The following C12orf56 variants were observed in gnomAD, a reference collection of about 807,000 sequenced individuals.
C12orf56 encodes the protein uncharacterized protein C12orf56.
C12orf56 carries 71 observed loss-of-function variants against 69.9 expected under a neutral mutation model. The ratio of observed to expected loss-of-function variants is 1.02; its 90% CI spans 0.84 to 1.24. The LOEUF (loss-of-function observed/expected upper bound fraction) is 1.24, where lower values mean the gene tolerates loss of function less well. C12orf56 is among the 50% of genes most tolerant of loss of function. The probability of loss-of-function intolerance (pLI) is 0.00; values close to 1 mark genes in which losing one functional copy is unlikely to be tolerated. For synonymous variants in C12orf56, 276 were observed against 274.1 expected (o/e 1.01, Z -0.07); for missense variants, 732 against 738.5 (o/e 0.99, Z 0.10).
chr12:64,374,647 G>A (rs2039617725), intron 1 of C12orf56, among the ~76,000 whole-genome samples: 1 of 151,212 alleles, frequency 6.6e-6, no homozygotes, highest in South Asian at 2.1e-4. Flanking sequence ...AGGTTCCAGT[G>A]ATTCTCCTGC....
intron 1 of C12orf56, among the ~76,000 whole-genome samples, chr12:64,376,426 A>T (rs1264015740): frequency 1.2e-4 from 19 of 152,222 alleles, no homozygotes; most frequent in Admixed American, 1.2e-3. Flanking sequence ...ATGAATAAAG[A>T]TGTGTTTGAG....
intron 5 of C12orf56, among the ~76,000 whole-genome samples, chr12:64,311,412 C>CT (rs1555188494): frequency 9.9e-6 from 1 of 101,292 alleles, no homozygotes; most frequent in African/African-American, 3.5e-5. Context: ...GACTTTGTCT[C>CT]AAAAAAAAAA....
intron 5 of C12orf56, among the ~76,000 whole-genome samples, chr12:64,306,639 G>C (rs928097307): frequency 6.6e-6 from 1 of 152,078 alleles, no homozygotes. Context: ...AAAGTGCTGA[G>C]ATTACAGGCG....
rs573724248 is a variant in C12orf56 at position 64,390,616 on chromosome 12, G to T, written c.-51C>A. ...TGCTGGGACTCGAGGCCCTCAGCTC[G>T]CCCTCTCCCCGCCCCCGCGCTGGAA... On this transcript the variant is annotated 5_prime_UTR_variant, in exon 1 of 13. Transcript: ENST00000543942. 173 of 1,413,776 alleles carry T rather than the reference G, an allele frequency of 1.2e-4. No homozygotes were observed. The African/African-American group carries it at 2.3e-3, about 19-fold the overall frequency. The allele number at this position is 1,413,776 out of a possible 1,614,324, so 87.6% of individuals were successfully genotyped here.
chr12:64,338,541 T>C, intron 2 of C12orf56: 1 of 1,386,922 alleles, frequency 7.2e-7, no homozygotes, highest in South Asian at 1.2e-5. Context: ...TCCCTCACTC[T>C]GAGGACTTTG....
intron 12 of C12orf56, among the ~76,000 whole-genome samples, chr12:64,268,471 C>T (rs1178702): frequency 0.7 from 106,916 of 151,952 alleles, 38,799 homozygotes; most frequent in Non-Finnish European, 0.8. Flanking sequence ...ACATATTATA[C>T]GCTCCATTTA....
chr12:64,386,234 G>A (rs1218906736), intron 1 of C12orf56, among the ~76,000 whole-genome samples: 5 of 151,700 alleles, frequency 3.3e-5, no homozygotes, highest in East Asian at 1.9e-4. Flanking sequence ...ATTTTTTTGA[G>A]ACAGAGTCTC....
In C12orf56 at chr12:64,313,118, C is replaced by T. The variant is rs556823153; in HGVS notation, c.895-366G>A. Among the ~76,000 whole-genome samples the T allele has an allele frequency of 1.9e-4, 29 of 151,494 alleles. No homozygotes were observed. The South Asian group carries it at 4.0e-3, about 21-fold the overall frequency. On this transcript the variant is annotated intron_variant, in intron 4 of 12. Coordinates refer to ENST00000543942, the MANE Select transcript of C12orf56 (RefSeq NM_001170633.2). ...TACTAAAAATACAAAAAAAATTAGCCGGGCATGGTGGCAGGTGCCTGTAGT... is the reference window on the plus strand; with the variant it reads ...TACTAAAAATACAAAAAAAATTAGCTGGGCATGGTGGCAGGTGCCTGTAGT...
chr12:64,308,940 G>GAAAAAAGAAAGAAAGAAAGAAAGAAAGA lies in C12orf56; in HGVS notation c.968+3738_968+3739insTCTTTCTTTCTTTCTTTCTTTCTTTTTT, dbSNP rs35488127. Among the ~76,000 whole-genome samples the GAAAAAAGAAAGAAAGAAAGAAAGAAAGA allele has an allele frequency of 2.1e-3, 170 of 80,874 alleles. 3 individuals are homozygous for GAAAAAAGAAAGAAAGAAAGAAAGAAAGA. Among genetic ancestry groups the GAAAAAAGAAAGAAAGAAAGAAAGAAAGA allele is most frequent in the South Asian group, 4.2e-3 (9 of 2,136 alleles). 53.1% of individuals were successfully genotyped at this position (80,874 alleles called of 152,430 possible). A position where few individuals can be genotyped will look rare whatever the true frequency, so the allele number is the denominator to read the frequency against. On this transcript the variant is annotated intron_variant, in intron 5 of 12. Transcript: ENST00000543942. Reference sequence around the variant, plus strand: ...AGAAAGAAAGAAAGAAAGAAAGAAAGAAGAAAGAAAGAAAGAAAGAAAGAA... The same window carrying GAAAAAAGAAAGAAAGAAAGAAAGAAAGA: ...AGAAAGAAAGAAAGAAAGAAAGAAAGAAAAAAGAAAGAAAGAAAGAAAGAAAGAAAGAAAGAAAGAAAGAAAGAAAGAA...
chr12:64,317,401 AG>A (rs1213557894), intron 4 of C12orf56, among the ~76,000 whole-genome samples: 1 of 152,210 alleles, frequency 6.6e-6, no homozygotes, highest in East Asian at 1.9e-4. Flanking sequence ...TCTAACAAAA[AG>A]GTCCCTAAAT....
chr12:64,317,629 G>A (rs181852111), intron 4 of C12orf56, among the ~76,000 whole-genome samples: 50 of 152,108 alleles, frequency 3.3e-4, no homozygotes, highest in Middle Eastern at 3.4e-3. Context: ...GCGTGGTGGT[G>A]GGCAACTGTA....
intron 1 of C12orf56, among the ~76,000 whole-genome samples, chr12:64,361,102 C>G (rs776470290): frequency 2.6e-5 from 4 of 152,052 alleles, no homozygotes; most frequent in Non-Finnish European, 5.9e-5. Flanking sequence ...ACCTGTAATC[C>G]CATCTACTCA....
chr12:64,311,280 A>T (rs1266783070), intron 5 of C12orf56, among the ~76,000 whole-genome samples: 4 of 151,822 alleles, frequency 2.6e-5, no homozygotes, highest in Non-Finnish European at 5.9e-5. Flanking sequence ...ACTAAAAATA[A>T]AAAAATTAGC....
intron 1 of C12orf56, among the ~76,000 whole-genome samples, chr12:64,379,319 T>C (rs2039680928): frequency 6.6e-6 from 1 of 151,168 alleles, no homozygotes; most frequent in East Asian, 2.0e-4. Context: ...GGAGTCTCGC[T>C]CTGTCTCCCA....
At chr12:64,328,696 AAAAAAAAAAAATATATATATATATAT>A (rs2038879939) in intron 3 of C12orf56, among the ~76,000 whole-genome samples, 1 of 19,406 alleles carries the variant, frequency 5.2e-5, no homozygotes, top group Admixed American at 7.4e-4. Flanking sequence ...AAAAAAAAAA[AAAAAAAAAAAATATATATATATATAT>A]ATATATATAT....
At chr12:64,335,096 A>G (rs2038976795) in intron 2 of C12orf56, among the ~76,000 whole-genome samples, 1 of 152,098 alleles carries the variant, frequency 6.6e-6, no homozygotes, top group African/African-American at 2.4e-5. Flanking sequence ...TGAAACTGAA[A>G]CTAAGTGGTT....
chr12:64,313,861 G>T (rs2038655379), intron 4 of C12orf56, among the ~76,000 whole-genome samples: 1 of 151,218 alleles, frequency 6.6e-6, no homozygotes, highest in Non-Finnish European at 1.5e-5. Flanking sequence ...TGGTCAACAT[G>T]GTGAAACCCC....
Position 64,390,729 on chromosome 12 carries a change from C to G in C12orf56, c.-164G>C. ...GCAACTGCAGGAATCGACGCTAGGT[C>G]GGCTTCCCTGGAGCGCCCTCCCCAG... On this transcript the variant is annotated 5_prime_UTR_variant, in exon 1 of 13. Transcript: ENST00000543942. The G allele has an allele frequency of 9.5e-7, 1 of 1,054,122 alleles. No homozygotes were observed. The highest frequency in any genetic ancestry group is 1.3e-6 in the Non-Finnish European group (1 of 787,594). 65.3% of individuals were successfully genotyped at this position (1,054,122 alleles called of 1,614,324 possible). A position where few individuals can be genotyped will look rare whatever the true frequency, so the allele number is the denominator to read the frequency against.
intron 1 of C12orf56, among the ~76,000 whole-genome samples, chr12:64,387,718 G>A (rs1164780126): frequency 1.3e-5 from 2 of 151,740 alleles, no homozygotes; most frequent in Non-Finnish European, 2.9e-5. Flanking sequence ...AGGGTGAGGT[G>A]GGAGAATCAC....
Sources: gnomAD v4.1 joint callset for allele counts (sites outside exome capture counted in the v4.1 genomes callset) on GRCh38, gnomAD v4.1.1 for gene constraint, MANE v1.5 for transcripts, NCBI Gene and HGNC (gene_info 2026-07-23, HGNC 2026-07-21) for gene names.